ZFHX3: variants seen among roughly 807,000 people sequenced by gnomAD.
The protein encoded by ZFHX3 is zinc finger homeobox 3, also known as zinc finger homeobox protein 3.
Under a neutral mutation model 279.1 loss-of-function variants are expected in ZFHX3, and 42 were observed. The observed-to-expected ratio is 0.15, with a 90% CI of 0.12 to 0.19. The LOEUF is 0.19. Ranked by LOEUF, ZFHX3 falls within the 10% of genes least tolerant of loss-of-function variation. The probability of loss-of-function intolerance (pLI) is 1.00; values close to 1 mark genes in which losing one functional copy is unlikely to be tolerated. For synonymous variants in ZFHX3, 2,293 were observed against 1,957.8 expected (o/e 1.17, Z -4.52); for missense variants, 4,981 against 4,754.0 (o/e 1.05, Z -1.40).
intron 3 of ZFHX3, among the ~76,000 whole-genome samples, chr16:72,909,156 T>C (rs12931840): frequency 0.063 from 9,634 of 152,260 alleles, 408 homozygotes; most frequent in Non-Finnish European, 0.089. Context: ...GGGAGAATAA[T>C]GTCTTAGTCC....
intron 1 of ZFHX3, among the ~76,000 whole-genome samples, chr16:73,703,758 T>C (rs2053275702): frequency 1.3e-5 from 2 of 152,148 alleles, no homozygotes; most frequent in African/African-American, 4.8e-5. Context: ...GGTAGATGGA[T>C]AGGAAAGCAC....
At chr16:73,733,019 T>C (rs1597086970) in intron 1 of ZFHX3, among the ~76,000 whole-genome samples, 2 of 152,358 alleles carry the variant, frequency 1.3e-5, no homozygotes, top group Admixed American at 1.3e-4. Flanking sequence ...AGTTTATTTA[T>C]TTTAATGTTA....
rs567125477 is a variant in ZFHX3 at position 73,121,761 on chromosome 16, G to A, written c.-897+9207C>T. Among the ~76,000 whole-genome samples, 65 of 151,816 alleles carry A rather than the reference G, an allele frequency of 4.3e-4. 1 individual carries two copies. The highest frequency in any genetic ancestry group is 1.4e-3 in the African/African-American group (59 of 41,412). ...CTCCCAAGTAGCTGGGACTACAGGC[G>A]CCTGCCACCACACCCGGCTAATTTT... On this transcript the variant is annotated intron_variant, in intron 7 of 17. Coordinates refer to the ZFHX3 transcript ENST00000641206.
At chr16:73,817,434 G>A (rs1468807948) in intron 1 of ZFHX3, among the ~76,000 whole-genome samples, 4 of 152,160 alleles carry the variant, frequency 2.6e-5, no homozygotes, top group Non-Finnish European at 5.9e-5. Flanking sequence ...AAGACTTCAA[G>A]TACATAGTTG....
chr16:73,157,186 T>G (rs1176600040), intron 5 of ZFHX3, among the ~76,000 whole-genome samples: 1 of 152,124 alleles, frequency 6.6e-6, no homozygotes, highest in African/African-American at 2.4e-5. Context: ...GCTGTCTCCT[T>G]TAGTTCCCTT....
intron 2 of ZFHX3, among the ~76,000 whole-genome samples, chr16:73,581,848 G>C (rs1224125319): frequency 6.6e-6 from 1 of 150,868 alleles, no homozygotes; most frequent in East Asian, 1.9e-4. Flanking sequence ...TAATTTTTTT[G>C]TATTTTTAGT....
At chr16:73,582,765 C>G (rs1404231590) in intron 2 of ZFHX3, among the ~76,000 whole-genome samples, 1 of 151,898 alleles carries the variant, frequency 6.6e-6, no homozygotes, top group Non-Finnish European at 1.5e-5. Context: ...GCATGAGCCA[C>G]CATGCCTGGC....
intron 5 of ZFHX3, among the ~76,000 whole-genome samples, chr16:73,155,421 GC>G (rs757690194): frequency 1.2e-4 from 19 of 152,132 alleles, no homozygotes; most frequent in Admixed American, 5.9e-4. Context: ...TGGAAATTCA[GC>G]CCTTGCCCCA....
intron 1 of ZFHX3, among the ~76,000 whole-genome samples, chr16:73,053,132 C>T (rs1017341306): frequency 2.6e-5 from 4 of 152,092 alleles, no homozygotes; most frequent in Non-Finnish European, 4.4e-5. Flanking sequence ...AGAGGAAAGC[C>T]TTTGGGGCCT....
intron 1 of ZFHX3, among the ~76,000 whole-genome samples, chr16:73,763,761 A>C (rs1710859785): frequency 6.6e-6 from 1 of 152,200 alleles, no homozygotes; most frequent in African/African-American, 2.4e-5. Flanking sequence ...AGATTATCAT[A>C]GGTGGGCCTG....
In ZFHX3 at chr16:73,237,176, G is replaced by A. The variant is rs201663157; in HGVS notation, c.-1104+19871C>T. 3.3e-5 allele frequency among the ~76,000 whole-genome samples: 5 copies of A among 152,258 alleles called. No homozygotes were observed. In the East Asian group the frequency reaches 9.6e-4, roughly 29 times the overall value. Reference sequence around the variant, plus strand: ...TGCAGGTCTTCTGGGTCTTAATCTGGTGCCATTTTAGTATTTTTCATAGGT... The same window carrying A: ...TGCAGGTCTTCTGGGTCTTAATCTGATGCCATTTTAGTATTTTTCATAGGT... On this transcript the variant is annotated intron_variant, in intron 5 of 17. Coordinates refer to the ZFHX3 transcript ENST00000641206.
At chr16:72,834,516 T>A (rs182839864) in intron 4 of ZFHX3, among the ~76,000 whole-genome samples, 20 of 152,304 alleles carry the variant, frequency 1.3e-4, no homozygotes, top group Admixed American at 4.6e-4. Context: ...TGACCACAAA[T>A]GCAAATTGAT....
chr16:72,839,976 C>G (rs960801072), intron 4 of ZFHX3, among the ~76,000 whole-genome samples: 2 of 152,076 alleles, frequency 1.3e-5, no homozygotes, highest in Non-Finnish European at 2.9e-5. Flanking sequence ...GGTTTCCATG[C>G]TGGGAGGGGA....
chr16:72,799,820 T>G (rs1398004736), intron 8 of ZFHX3, among the ~76,000 whole-genome samples: 1 of 152,234 alleles, frequency 6.6e-6, no homozygotes, highest in Non-Finnish European at 1.5e-5. Context: ...CTCATACTAA[T>G]TTTCTCTCAC....
At position 72,787,082 on chromosome 16, in the gene ZFHX3, T is replaced by C; in HGVS notation, c.*82A>G. 1 of 1,264,728 alleles carries C rather than the reference T, an allele frequency of 7.9e-7. No individual in the cohort carries two copies. The highest frequency in any genetic ancestry group is 1.0e-6 in the Non-Finnish European group (1 of 980,624). The allele number at this position is 1,264,728 out of a possible 1,614,324, so 78.3% of individuals were successfully genotyped here. ...GTTTTTTGGTTAGAAGCTTTGGAAT[T>C]GCAGTTAGTCTATTTTTGAAATTGG... On this transcript the variant is annotated 3_prime_UTR_variant, in exon 10 of 10. Coordinates refer to ENST00000268489, the MANE Select transcript of ZFHX3 (RefSeq NM_006885.4).
intron 3 of ZFHX3, among the ~76,000 whole-genome samples, chr16:72,898,646 G>A (rs558712703): frequency 6.6e-6 from 1 of 150,736 alleles, no homozygotes; most frequent in African/African-American, 2.5e-5. Context: ...TCTGCTAGGA[G>A]AACTCCACAA....
Position 72,959,706 on chromosome 16 carries a change from A to C in ZFHX3, c.440T>G (p.Leu147Arg), listed in dbSNP as rs1184052675. Residue 147 changes from leucine (L) to arginine (R), a missense_variant, in exon 2 of 10, where the codon CTG becomes CGG. Physicochemically the swap from Leu to Arg is moderately radical, Grantham distance 102 (BLOSUM62 -2). Transcript: ENST00000268489. ...PDGSAYIVES[L>R]SQLTQGGGAC... is the part of the protein sequence containing the mutation. The stretch of plus-strand genomic sequence containing the variant: ...GCCCCCGCCCTGGGTCAGCTGGCTC[A>C]GGCTCTCCACAATGTACGCGGAGCC... 1.2e-6 allele frequency: 2 copies of C among 1,613,878 alleles called. No individual in the cohort carries two copies. Among genetic ancestry groups the C allele is most frequent in the Non-Finnish European group, 1.7e-6 (2 of 1,179,988 alleles).
At chr16:73,236,296 T>A (rs2012945929) in intron 5 of ZFHX3, among the ~76,000 whole-genome samples, 1 of 152,206 alleles carries the variant, frequency 6.6e-6, no homozygotes, top group South Asian at 2.1e-4. Context: ...ATGCCATCTT[T>A]CTTTAAGGTA....
chr16:72,948,455 C>T (rs745370611), intron 3 of ZFHX3, among the ~76,000 whole-genome samples: 1 of 152,274 alleles, frequency 6.6e-6, no homozygotes, highest in Non-Finnish European at 1.5e-5. Flanking sequence ...AAATAAACCT[C>T]GTCTCTTCCA....
Sources: allele counts gnomAD v4.1 joint callset (sites outside exome capture counted in the v4.1 genomes callset), GRCh38; gene constraint gnomAD v4.1.1; transcripts MANE v1.5; gene names NCBI Gene and HGNC (gene_info 2026-07-23, HGNC 2026-07-21).